The following SLC2A9 variants were observed in gnomAD, a reference collection of about 807,000 sequenced individuals.
The protein encoded by SLC2A9 is solute carrier family 2 member 9.
In SLC2A9, 39 loss-of-function variants were observed where a neutral mutation model predicts 50.6. The ratio of observed to expected loss-of-function variants is 0.77; its 90% CI spans 0.60 to 1.01. The LOEUF is 1.01. Among genes scored for constraint, SLC2A9 ranks in the 50% least tolerant of loss-of-function variants. SLC2A9 has a pLI of 0.00. For synonymous variants in SLC2A9, 324 were observed against 276.9 expected, an observed-to-expected ratio of 1.17 and a Z score of -1.69; for missense variants, 686 against 677.6, an observed-to-expected ratio of 1.01 and a Z score of -0.14.
At position 9,816,826 on chromosome 4, in the gene SLC2A9, A is replaced by C. The variant is rs184396578; in HGVS notation, n.420+9594T>G. 2.2e-5 allele frequency among the ~76,000 whole-genome samples: 3 copies of C among 135,936 alleles called. No homozygotes were observed. In the East Asian group the frequency reaches 5.9e-4, roughly 27 times the overall value. 89.2% of individuals were successfully genotyped at this position (135,936 alleles called of 152,430 possible). A position where few individuals can be genotyped will look rare whatever the true frequency, so the allele number is the denominator to read the frequency against. On this transcript the variant is annotated intron_variant and non_coding_transcript_variant, in intron 3 of 3. Transcript: ENST00000503280. Reference sequence around the variant, plus strand: ...CAACACAAAAAGTTAAAAATTAAAAAAAAAACGATGACACGCACATACACC... The same window carrying C: ...CAACACAAAAAGTTAAAAATTAAAACAAAAACGATGACACGCACATACACC...
intron 10 of SLC2A9, among the ~76,000 whole-genome samples, chr4:9,872,470 G>A (rs191659307): frequency 6.6e-5 from 10 of 152,320 alleles, no homozygotes; most frequent in Admixed American, 2.6e-4. Context: ...CTCACTATCT[G>A]AACCTTTGCT....
chr4:9,778,129 C>T (rs984895302), downstream of SLC2A9, among the ~76,000 whole-genome samples: 2 of 149,438 alleles, frequency 1.3e-5, no homozygotes, highest in African/African-American at 2.5e-5. Flanking sequence ...CCCGCCTCCC[C>T]CGAGTCTTGC....
At chr4:9,898,891 A>G (rs1033003730) in intron 8 of SLC2A9, among the ~76,000 whole-genome samples, 14 of 152,168 alleles carry the variant, frequency 9.2e-5, no homozygotes, top group African/African-American at 2.9e-4. Context: ...GCTTTACTAG[A>G]GCCGTACTCC....
intron 5 of SLC2A9, among the ~76,000 whole-genome samples, chr4:9,954,881 CAGT>C: frequency 2.3e-5 from 1 of 43,456 alleles, no homozygotes; most frequent in Non-Finnish European, 4.5e-5. Flanking sequence ...TTGGGAAAGG[CAGT>C]CAGTCTCCCA....
downstream of SLC2A9, among the ~76,000 whole-genome samples, chr4:9,825,533 G>T (rs79694514): frequency 0.11 from 240 of 2,106 alleles, 1 homozygote; most frequent in African/African-American, 0.23. Flanking sequence ...TAATCACAAT[G>T]TTTTTTTTTT....
chr4:9,998,620 C>T (rs1222045899), intron 2 of SLC2A9, among the ~76,000 whole-genome samples: 1 of 152,148 alleles, frequency 6.6e-6, no homozygotes, highest in African/African-American at 2.4e-5. Flanking sequence ...ATGCCTGTAG[C>T]CTACAACTCA....
chr4:9,901,912 T>G (rs1037689526), intron 8 of SLC2A9, among the ~76,000 whole-genome samples: 1 of 152,210 alleles, frequency 6.6e-6, no homozygotes, highest in Non-Finnish European at 1.5e-5. Context: ...GTTGGTTTCT[T>G]GGTTCACTTT....
rs1726791211 is a variant in SLC2A9 at position 9,834,994 on chromosome 4, T to G, written c.1306A>C (p.Ile436Leu). 3.2e-5 allele frequency: 52 copies of G among 1,613,506 alleles called. No homozygotes were observed. Among genetic ancestry groups the G allele is most frequent in the Non-Finnish European group, 4.2e-5 (50 of 1,179,978 alleles). Residue 436 changes from isoleucine to leucine, a missense_variant, in exon 11 of 12, where the codon ATC becomes CTC. By Grantham distance (5) the Ile-to-Leu change is conservative. Coordinates refer to ENST00000264784, the MANE Select transcript of SLC2A9 (RefSeq NM_020041.3). ...FCSGPGGIPFILTGEFFQQSQ... is the reference protein window; with the variant it reads ...FCSGPGGIPFLLTGEFFQQSQ... ...TGCTGGAAGAACTCACCAGTCAAGA[T>G]GAACGGGATGCCACCTGCAGTGTGT...
intron 7 of SLC2A9, among the ~76,000 whole-genome samples, chr4:9,910,014 G>A (rs1440412644): frequency 2.0e-5 from 3 of 152,208 alleles, no homozygotes; most frequent in Non-Finnish European, 4.4e-5. Flanking sequence ...GCATTGGGGG[G>A]AAGATATAGG....
At chr4:9,777,791 C>T (rs6855890), downstream of SLC2A9, among the ~76,000 whole-genome samples, 1,388 of 152,296 alleles carry the variant, frequency 9.1e-3, 28 homozygotes, top group African/African-American at 0.031. Context: ...AGGGTCATAA[C>T]GGCTGCACTA....
rs912451794 is a variant in SLC2A9 at position 9,920,554 on chromosome 4, C to A, written c.833G>T (p.Gly278Val). Residue 278 changes from glycine to valine, a missense_variant, in exon 7 of 12, where the codon GGT becomes GTT. Coordinates refer to ENST00000264784, the MANE Select transcript of SLC2A9 (RefSeq NM_020041.3). ...TACCTCTTGGGAAACGTCTGCTTTA[C>A]CCAAGAACGTTTGGAAGGCTGCAAA... ...RAVKAFQTFL[G>V]KADVSQEVEE... 1.9e-6 allele frequency: 3 copies of A among 1,614,164 alleles called. No homozygotes were observed. Among genetic ancestry groups the A allele is most frequent in the East Asian group, 2.2e-5 (1 of 44,874 alleles).
At chr4:9,799,356 C>T (rs1721014793) in intron 3 of SLC2A9, 1 of 152,104 alleles carries the variant, frequency 6.6e-6, no homozygotes, top group Admixed American at 6.6e-5. Context: ...AAGGCATCTG[C>T]AGATTCAGTG....
chr4:9,836,215 A>C (rs1021635925), intron 10 of SLC2A9, among the ~76,000 whole-genome samples: 3 of 151,344 alleles, frequency 2.0e-5, no homozygotes, highest in Non-Finnish European at 2.9e-5. Flanking sequence ...TGCTTGGGTG[A>C]TGGGTGCATC....
intron 7 of SLC2A9, among the ~76,000 whole-genome samples, chr4:9,915,913 C>A (rs1440113405): frequency 6.6e-6 from 1 of 152,160 alleles, no homozygotes; most frequent in African/African-American, 2.4e-5. Flanking sequence ...AGACTTTGTA[C>A]AAAACTTGAT....
chr4:10,024,746 G>A (rs930915734), upstream of SLC2A9, among the ~76,000 whole-genome samples: 5 of 152,192 alleles, frequency 3.3e-5, no homozygotes, highest in African/African-American at 1.2e-4. Context: ...ACCTTAAACT[G>A]TCCTCCGGAT....
Position 9,818,031 on chromosome 4 carries a change from T to G in SLC2A9, n.420+8389A>C, listed in dbSNP as rs1310576852. Among the ~76,000 whole-genome samples, 3 of 152,210 alleles carry G rather than the reference T, an allele frequency of 2.0e-5. No individual in the cohort carries two copies. In the South Asian group the frequency reaches 6.2e-4, roughly 31 times the overall value. On this transcript the variant is annotated intron_variant and non_coding_transcript_variant, in intron 3 of 3. Transcript: ENST00000503280. ...CTACATTACTTATAGTTTCCCAAAC[T>G]GTAAGACAAATTGGGGTTGAGGATT...
intron 5 of SLC2A9, among the ~76,000 whole-genome samples, chr4:9,946,241 T>A (rs144651801): frequency 0.56 from 85,470 of 151,530 alleles, 25,363 homozygotes; most frequent in African/African-American, 0.76. Flanking sequence ...TTTGCAATTA[T>A]CTTGTTCTAT....
chr4:9,947,709 T>C (rs1173253449), intron 5 of SLC2A9, among the ~76,000 whole-genome samples: 1 of 152,152 alleles, frequency 6.6e-6, no homozygotes, highest in Non-Finnish European at 1.5e-5. Flanking sequence ...TCTCACACTC[T>C]GAGCCAACAT....
At chr4:9,843,738 T>C (rs1490550814) in intron 10 of SLC2A9, among the ~76,000 whole-genome samples, 3 of 152,208 alleles carry the variant, frequency 2.0e-5, no homozygotes, top group African/African-American at 7.2e-5. Context: ...GTCTGAGGTG[T>C]GATGAACACT....
Sources: allele counts gnomAD v4.1 joint callset (sites outside exome capture counted in the v4.1 genomes callset), GRCh38; gene constraint gnomAD v4.1.1; transcripts MANE v1.5; gene names NCBI Gene and HGNC (gene_info 2026-07-23, HGNC 2026-07-21).